Variants in GSTCD observed in about 807,000 individuals in gnomAD.
The protein encoded by GSTCD is glutathione S-transferase C-terminal domain containing.
In GSTCD, 44 loss-of-function variants were observed where a neutral mutation model predicts 68.3. The observed-to-expected ratio is 0.64, with a 90% CI of 0.51 to 0.83. The LOEUF (loss-of-function observed/expected upper bound fraction) is 0.83, where lower values mean the gene tolerates loss of function less well. Ranked by LOEUF, GSTCD falls within the 40% of genes least tolerant of loss-of-function variation. The pLI is 0.00. For missense variants in GSTCD, 739 were observed against 735.9 expected (o/e 1.00, Z -0.05); for synonymous variants, 273 against 255.2 (o/e 1.07, Z -0.67).
At chr4:105,763,542 T>C (rs983962718) in intron 5 of GSTCD, among the ~76,000 whole-genome samples, 2 of 152,220 alleles carry the variant, frequency 1.3e-5, no homozygotes, top group East Asian at 3.8e-4. Flanking sequence ...AGCCTCTGGA[T>C]CCAGACTGTC....
Position 105,719,510 on chromosome 4 carries a change from T to C in GSTCD, c.877T>C (p.Cys293Arg). The C allele has an allele frequency of 6.2e-7, 1 of 1,613,276 alleles. No individual in the cohort carries two copies. The highest frequency in any genetic ancestry group is 8.5e-7 in the Non-Finnish European group (1 of 1,179,282). The change falls in exon 3 of 12, where the codon TGT (cysteine) becomes CGT (arginine). Residue 293 changes from cysteine (C) to arginine (R), a missense_variant. Physicochemically the swap from Cys to Arg is radical, Grantham distance 180. Transcript: ENST00000515279. The stretch of plus-strand genomic sequence containing the variant: ...TCTGGCAGATATTGTGCTCTTGCCC[T>C]GTATCCATCATTTCTTGGTAAGGTT... ...FTLADIVLLP[C>R]IHHFLVIISR...
intron 2 of GSTCD, among the ~76,000 whole-genome samples, chr4:105,718,292 GC>G (rs1285621593): frequency 1.3e-5 from 2 of 152,182 alleles, no homozygotes; most frequent in Non-Finnish European, 2.9e-5. Flanking sequence ...GGGGGCAGAT[GC>G]CTCGTAAATG....
intron 5 of GSTCD, among the ~76,000 whole-genome samples, chr4:105,765,382 T>C (rs1560818226): frequency 6.6e-6 from 1 of 152,168 alleles, no homozygotes; most frequent in Non-Finnish European, 1.5e-5. Flanking sequence ...AGTTTTGCTG[T>C]TTGTTGTTGA....
chr4:105,799,955 A>G (rs944304283), intron 5 of GSTCD, among the ~76,000 whole-genome samples: 1 of 152,200 alleles, frequency 6.6e-6, no homozygotes, highest in African/African-American at 2.4e-5. Context: ...GGAACAGTAG[A>G]CACCAGGGCC....
At chr4:105,731,174 A>G (rs1733226096) in intron 5 of GSTCD, among the ~76,000 whole-genome samples, 1 of 152,150 alleles carries the variant, frequency 6.6e-6, no homozygotes, top group East Asian at 1.9e-4. Flanking sequence ...TGATGTCTCC[A>G]GCTTTGTTCT....
chr4:105,828,449 T>C (rs1723752389), intron 8 of GSTCD, among the ~76,000 whole-genome samples: 1 of 152,156 alleles, frequency 6.6e-6, no homozygotes, highest in African/African-American at 2.4e-5. Context: ...TTAAAAATCA[T>C]TAAGGCAAAA....
At chr4:105,714,747 T>C (rs1732636010) in intron 1 of GSTCD, among the ~76,000 whole-genome samples, 1 of 152,078 alleles carries the variant, frequency 6.6e-6, no homozygotes, top group Non-Finnish European at 1.5e-5. Flanking sequence ...TTTGTTGCAT[T>C]TTCTCTCAGG....
intron 5 of GSTCD, among the ~76,000 whole-genome samples, chr4:105,783,349 T>G (rs1455382854): frequency 6.6e-6 from 1 of 152,208 alleles, no homozygotes; most frequent in Non-Finnish European, 1.5e-5. Flanking sequence ...TATATTATAC[T>G]TTCTGAAACT....
chr4:105,809,386 A>G (rs958522438), intron 5 of GSTCD, among the ~76,000 whole-genome samples: 11 of 151,978 alleles, frequency 7.2e-5, no homozygotes, highest in Non-Finnish European at 1.5e-4. Flanking sequence ...TATACTTGTT[A>G]TTCTCTTTGT....
chr4:105,754,086 C>T (rs566296224), intron 5 of GSTCD, among the ~76,000 whole-genome samples: 5 of 152,124 alleles, frequency 3.3e-5, no homozygotes, highest in African/African-American at 1.2e-4. Context: ...TTGGCATTCT[C>T]TGTGCTATTC....
At chr4:105,801,717 G>A (rs1736113126) in intron 5 of GSTCD, among the ~76,000 whole-genome samples, 1 of 150,936 alleles carries the variant, frequency 6.6e-6, no homozygotes, top group South Asian at 2.1e-4. Flanking sequence ...TAATTATGTT[G>A]GGAACAAAAA....
intron 5 of GSTCD, among the ~76,000 whole-genome samples, chr4:105,741,679 G>A (rs894950531): frequency 4.6e-5 from 7 of 152,004 alleles, no homozygotes; most frequent in Non-Finnish European, 7.4e-5. Flanking sequence ...ATGGCTGGTC[G>A]TTTTTCTGGT....
chr4:105,730,580 G>C (rs1437590749), intron 5 of GSTCD, among the ~76,000 whole-genome samples: 1 of 152,080 alleles, frequency 6.6e-6, no homozygotes, highest in East Asian at 1.9e-4. Flanking sequence ...CCCACTTTTT[G>C]ATGGGCTTGT....
At chr4:105,739,612 C>T (rs1733565752) in intron 5 of GSTCD, among the ~76,000 whole-genome samples, 1 of 152,084 alleles carries the variant, frequency 6.6e-6, no homozygotes, top group African/African-American at 2.4e-5. Context: ...CAGTTGGTGG[C>T]CAATGTACTG....
At chr4:105,770,584 C>T (rs1734806719) in intron 5 of GSTCD, among the ~76,000 whole-genome samples, 1 of 152,138 alleles carries the variant, frequency 6.6e-6, no homozygotes, top group Non-Finnish European at 1.5e-5. Context: ...CATGTGTTCT[C>T]ATTATTCAAC....
intron 3 of GSTCD, among the ~76,000 whole-genome samples, chr4:105,720,594 G>A (rs1732830571): frequency 6.6e-6 from 1 of 152,178 alleles, no homozygotes; most frequent in Non-Finnish European, 1.5e-5. Flanking sequence ...TAAAAAGAGA[G>A]AGATCCAGGA....
chr4:105,809,495 A>G (rs1320933713), intron 5 of GSTCD, among the ~76,000 whole-genome samples: 3 of 152,076 alleles, frequency 2.0e-5, no homozygotes, highest in Non-Finnish European at 4.4e-5. Context: ...AGGTCAGCCT[A>G]TCTGTAATAC....
At chr4:105,739,223 G>A (rs1241363614) in intron 5 of GSTCD, among the ~76,000 whole-genome samples, 1 of 152,076 alleles carries the variant, frequency 6.6e-6, no homozygotes, top group Non-Finnish European at 1.5e-5. Context: ...ATGTGCTGTT[G>A]GATTTTCTGT....
rs560742573 is a variant in GSTCD at position 105,754,976 on chromosome 4, T to C, written c.1240+25477T>C. Among the ~76,000 whole-genome samples, 3 of 146,018 alleles carry C rather than the reference T, an allele frequency of 2.1e-5. No homozygotes were observed. The Admixed American group carries it at 2.1e-4, about 10-fold the overall frequency. On this transcript the variant is annotated intron_variant, in intron 5 of 11. Coordinates refer to ENST00000515279, the MANE Select transcript of GSTCD (RefSeq NM_001370181.1). ...GATTCATTCCTGTAATCCCAGCACT[T>C]TGGGAGGCTGAGACAGGAGGATCAC...
Sources: gnomAD v4.1 joint callset for allele counts (sites outside exome capture counted in the v4.1 genomes callset) on GRCh38, gnomAD v4.1.1 for gene constraint, MANE v1.5 for transcripts, NCBI Gene and HGNC (gene_info 2026-07-23, HGNC 2026-07-21) for gene names.